Variants in BCAR1 observed in about 807,000 individuals in gnomAD.
BCAR1 encodes BCAR1 scaffold protein, Cas family member, also known as breast cancer anti-estrogen resistance protein 1.
Under a neutral mutation model 67.6 loss-of-function variants are expected in BCAR1, and 30 were observed. The ratio of observed to expected loss-of-function variants is 0.44; its 90% CI spans 0.33 to 0.60. The LOEUF is 0.60. Among genes scored for constraint, BCAR1 ranks in the 20% least tolerant of loss-of-function variants. The pLI, the probability that BCAR1 is intolerant of heterozygous loss-of-function variation, is 0.02. For synonymous variants in BCAR1, 626 were observed against 556.7 expected (o/e 1.12, Z -1.75); for missense variants, 1,313 against 1,222.3 (o/e 1.07, Z -1.11).
intron 1 of BCAR1, among the ~76,000 whole-genome samples, chr16:75,257,195 C>G (rs1433748458): frequency 6.6e-6 from 1 of 152,190 alleles, no homozygotes; most frequent in Non-Finnish European, 1.5e-5. Context: ...CAACCCAGCC[C>G]AGCCATCTGC....
chr16:75,243,966 A>T (rs1473511845), intron 1 of BCAR1, among the ~76,000 whole-genome samples: 1 of 152,212 alleles, frequency 6.6e-6, no homozygotes, highest in African/African-American at 2.4e-5. Flanking sequence ...GGGCGGTTGC[A>T]GCAAAAGGCA....
At chr16:75,253,176 T>C (rs1344806945), upstream of BCAR1, among the ~76,000 whole-genome samples, 5 of 152,114 alleles carry the variant, frequency 3.3e-5, no homozygotes, top group Non-Finnish European at 7.4e-5. Flanking sequence ...CTCCTCCTGC[T>C]TGTTCCCAAG....
chr16:75,244,510 G>C (rs1447693333), intron 1 of BCAR1, among the ~76,000 whole-genome samples: 1 of 152,266 alleles, frequency 6.6e-6, no homozygotes, highest in East Asian at 1.9e-4. Context: ...GCCGGCATCA[G>C]AGGGCGATGG....
chr16:75,230,242 G>A (rs554649259), intron 6 of BCAR1, among the ~76,000 whole-genome samples: 3 of 152,266 alleles, frequency 2.0e-5, no homozygotes, highest in East Asian at 1.9e-4. Flanking sequence ...AGTCTCAAAA[G>A]GTCAGACTCC....
intron 1 of BCAR1, chr16:75,265,679 T>G (rs2151487124): frequency 2.0e-5 from 18 of 907,982 alleles, no homozygotes; most frequent in Non-Finnish European, 2.1e-5. Context: ...CCCCAGCCGG[T>G]GCGCTCTCCC....
At chr16:75,267,967 C>A in exon 1 of BCAR1, 8 of 1,598,420 alleles carry the variant, frequency 5.0e-6, no homozygotes, top group Non-Finnish European at 6.0e-6. Context: ...AGGAGCCTCA[C>A]CAGGGCAGTG....
At position 75,230,041 on chromosome 16, in the gene BCAR1, C is replaced by G. The variant is rs779580440; in HGVS notation, c.2101-18G>C. The G allele has an allele frequency of 2.6e-6, 4 of 1,523,070 alleles. No individual in the cohort carries two copies. The highest frequency in any genetic ancestry group is 1.3e-5 in the South Asian group (1 of 76,284). The allele number at this position is 1,523,070 out of a possible 1,614,324, so 94.3% of individuals were successfully genotyped here. On this transcript the variant is annotated intron_variant, in intron 6 of 6. Transcript: ENST00000162330. ...TGCTTCAGCTGGGGCAGGAGGGAAG[C>G]AGGAGCAGGGTTAGGCTCTCGGGTG...
chr16:75,239,061 C>A, intron 2 of BCAR1: 5 of 985,446 alleles, frequency 5.1e-6, no homozygotes, highest in Non-Finnish European at 6.0e-6. Flanking sequence ...GCCTGCCACT[C>A]TTGGAGCTGA....
At chr16:75,238,862 G>A in intron 2 of BCAR1, 1 of 985,398 alleles carries the variant, frequency 1.0e-6, no homozygotes, top group Non-Finnish European at 1.2e-6. Context: ...GGCACGGCCT[G>A]AGGCTTCTCC....
At chr16:75,238,083 G>C in intron 2 of BCAR1, 1 of 1,288,932 alleles carries the variant, frequency 7.8e-7, no homozygotes, top group Non-Finnish European at 1.0e-6. Flanking sequence ...CTCCCCAGGT[G>C]CTCTTACCAT....
chr16:75,229,667 C>T lies in BCAR1; in HGVS notation c.2457G>A (p.Leu819=). 6.2e-7 allele frequency: 1 copy of T among 1,612,890 alleles called. No individual in the cohort carries two copies. ...CCACGATGCCGCGCAGGAGGTCGCA[C>T]AGCAGGTTGCTGTAGTGGGTCACCT... The part of the protein sequence containing the change: ...RSQVTHYSNL[L]CDLLRGIVAT... The change falls in exon 7 of 7, where the codon CTG becomes CTA. Residue 819 remains leucine, a synonymous_variant. Transcript: ENST00000162330.
chr16:75,266,617 G>A, intron 1 of BCAR1: 1 of 847,860 alleles, frequency 1.2e-6, no homozygotes, highest in Non-Finnish European at 1.6e-6. Flanking sequence ...GCAGCCACTG[G>A]GCACGTGCAT....
chr16:75,260,565 C>T (rs1193026845), intron 1 of BCAR1, among the ~76,000 whole-genome samples: 1 of 140,296 alleles, frequency 7.1e-6, no homozygotes, highest in Non-Finnish European at 1.5e-5. Context: ...ACCCGGGAGA[C>T]AAAGGTTGCA....
At chr16:75,254,823 T>C (rs925855444), upstream of BCAR1, among the ~76,000 whole-genome samples, 4 of 148,712 alleles carry the variant, frequency 2.7e-5, no homozygotes, top group Non-Finnish European at 5.9e-5. Flanking sequence ...AATAGCTGTT[T>C]GTACAGAAAA....
At chr16:75,255,129 C>T (rs2077747247), upstream of BCAR1, among the ~76,000 whole-genome samples, 1 of 152,234 alleles carries the variant, frequency 6.6e-6, no homozygotes, top group African/African-American at 2.4e-5. Context: ...ATTAGATGGC[C>T]TCTTCCAAAG....
chr16:75,262,622 T>C (rs2077929816), intron 1 of BCAR1, among the ~76,000 whole-genome samples: 3 of 152,218 alleles, frequency 2.0e-5, no homozygotes, highest in Middle Eastern at 6.8e-3. Flanking sequence ...ACTGCCTGGC[T>C]GCCAGGCCAG....
intron 1 of BCAR1, among the ~76,000 whole-genome samples, chr16:75,245,722 C>G (rs2077493734): frequency 6.6e-6 from 1 of 152,166 alleles, no homozygotes; most frequent in South Asian, 2.1e-4. Flanking sequence ...AGCTGGTGTG[C>G]CCCCGCCCAG....
chr16:75,248,485 C>G (rs1288144893), intron 1 of BCAR1: 1 of 421,220 alleles, frequency 2.4e-6, no homozygotes, highest in Non-Finnish European at 3.5e-6. Flanking sequence ...TGGAGGGGTC[C>G]TGATCACCCC....
chr16:75,242,397 A>G (rs7195938), intron 2 of BCAR1, 73 bp downstream of exon 2: 1,087,619 of 1,324,954 alleles, frequency 0.82, 448,636 homozygotes, highest in East Asian at 0.99. Flanking sequence ...GGGTGGCTGG[A>G]CCCTTCTGTG....
Sources: allele counts gnomAD v4.1 joint callset (sites outside exome capture counted in the v4.1 genomes callset), GRCh38; gene constraint gnomAD v4.1.1; transcripts MANE v1.5; gene names NCBI Gene and HGNC (gene_info 2026-07-23, HGNC 2026-07-21).